The following GRM1 variants were observed in gnomAD, a reference collection of about 807,000 sequenced individuals.
GRM1 encodes the protein glutamate metabotropic receptor 1, also known as metabotropic glutamate receptor 1.
In GRM1, 33 loss-of-function variants were observed where a neutral mutation model predicts 90.9. That is an observed-to-expected ratio of 0.36 (90% CI 0.28 to 0.49). The LOEUF is 0.49. Among genes scored for constraint, GRM1 ranks in the 20% least tolerant of loss-of-function variants. The pLI, the probability that GRM1 is intolerant of heterozygous loss-of-function variation, is 0.99. For missense variants in GRM1, 1,190 were observed against 1,534.3 expected (o/e 0.78, Z 3.75); for synonymous variants, 700 against 613.2 (o/e 1.14, Z -2.09).
At chr6:146,043,800 T>TATATATATAGATAG (rs1231669743) in intron 1 of GRM1, among the ~76,000 whole-genome samples, 5 of 142,444 alleles carry the variant, frequency 3.5e-5, no homozygotes, top group African/African-American at 5.4e-5. Flanking sequence ...TATATATATA[T>TATATATATAGATAG]ATATATATAT....
At chr6:146,283,023 C>G (rs886648541) in intron 2 of GRM1, among the ~76,000 whole-genome samples, 1 of 152,158 alleles carries the variant, frequency 6.6e-6, no homozygotes, top group African/African-American at 2.4e-5. Flanking sequence ...TACAGTTGGT[C>G]TTGTCTCTTG....
In GRM1 at chr6:146,199,799, C is replaced by T. The variant is rs376509756; in HGVS notation, c.950+40202C>T. On this transcript the variant is annotated intron_variant, in intron 2 of 7. Coordinates refer to ENST00000282753, the MANE Select transcript of GRM1 (RefSeq NM_001278064.2). ...TTGGGAGGCCAAGGAAGGCAAATCACCTGAGGTCAGGAGTTTGAGACCATC... is the reference window on the plus strand; with the variant it reads ...TTGGGAGGCCAAGGAAGGCAAATCATCTGAGGTCAGGAGTTTGAGACCATC... Among the ~76,000 whole-genome samples, 138 of 152,250 alleles carry T rather than the reference C, an allele frequency of 9.1e-4. 3 individuals are homozygous for T. In the South Asian group the frequency reaches 0.028, roughly 30 times the overall value.
intron 1 of GRM1, among the ~76,000 whole-genome samples, chr6:146,092,614 A>G (rs1027025796): frequency 1.3e-5 from 2 of 152,002 alleles, no homozygotes; most frequent in Non-Finnish European, 2.9e-5. Context: ...GCTTGGATCA[A>G]GGACACTAGC....
intron 2 of GRM1, among the ~76,000 whole-genome samples, chr6:146,271,897 A>T (rs547713851): frequency 6.6e-6 from 1 of 152,330 alleles, no homozygotes; most frequent in South Asian, 2.1e-4. Context: ...AACGTCTGGT[A>T]GTCTTATGTT....
chr6:146,075,454 T>C (rs1256702877), intron 1 of GRM1, among the ~76,000 whole-genome samples: 2 of 152,176 alleles, frequency 1.3e-5, no homozygotes, highest in African/African-American at 4.8e-5. Flanking sequence ...TTTTGTATGC[T>C]AAATGCTGTG....
chr6:146,218,422 A>G (rs548528217), intron 2 of GRM1, among the ~76,000 whole-genome samples: 1 of 152,340 alleles, frequency 6.6e-6, no homozygotes, highest in African/African-American at 2.4e-5. Flanking sequence ...AACTTTTAAA[A>G]TATTTGGGAT....
At position 146,232,311 on chromosome 6, in the gene GRM1, T is replaced by G. The variant is rs1442530049; in HGVS notation, c.951-72300T>G. Among the ~76,000 whole-genome samples, 4 of 152,088 alleles carry G rather than the reference T, an allele frequency of 2.6e-5. No individual in the cohort carries two copies. The East Asian group carries it at 7.7e-4, about 29-fold the overall frequency. ...TCTTGGCTTGTAGATCTATCTTCTT[T>G]GTCTATCCACACATCATCATCCCTT... On this transcript the variant is annotated intron_variant, in intron 2 of 7. Transcript: ENST00000282753.
At chr6:146,099,137 G>C (rs1419742677) in intron 1 of GRM1, among the ~76,000 whole-genome samples, 1 of 152,122 alleles carries the variant, frequency 6.6e-6, no homozygotes, top group African/African-American at 2.4e-5. Context: ...TGTAATCCCA[G>C]CACTTTGGGA....
At chr6:146,206,353 GGAA>G (rs569646594) in intron 2 of GRM1, among the ~76,000 whole-genome samples, 7 of 152,150 alleles carry the variant, frequency 4.6e-5, no homozygotes, top group Non-Finnish European at 8.8e-5. Flanking sequence ...TCCCATGAGA[GGAA>G]GAAGGAGTTG....
intron 3 of GRM1, among the ~76,000 whole-genome samples, chr6:146,335,142 C>A (rs1490890449): frequency 5.3e-5 from 8 of 152,162 alleles, no homozygotes; most frequent in Non-Finnish European, 1.2e-4. Flanking sequence ...TGACATCTTA[C>A]AAATGAAATC....
intron 2 of GRM1, among the ~76,000 whole-genome samples, chr6:146,282,022 A>G (rs1175698298): frequency 6.6e-6 from 1 of 152,214 alleles, no homozygotes; most frequent in Non-Finnish European, 1.5e-5. Context: ...TGAGCAGTGC[A>G]CAGGCTGCTT....
intron 7 of GRM1, among the ~76,000 whole-genome samples, chr6:146,430,242 A>C (rs758792028): frequency 7.2e-5 from 11 of 152,210 alleles, no homozygotes; most frequent in Non-Finnish European, 1.2e-4. Context: ...ATGAAAGAAA[A>C]ACCAAAGCAA....
chr6:146,434,126 G>T lies in GRM1; in HGVS notation c.2915G>T (p.Gly972Val). 1 of 1,614,116 alleles carries T rather than the reference G, an allele frequency of 6.2e-7. No homozygotes were observed. Among genetic ancestry groups the T allele is most frequent in the Non-Finnish European group, 8.5e-7 (1 of 1,180,012 alleles). ...DAQPIRFSPP[G>V]SPSMVVHRRV... ...CAGCCGATTCGCTTTAGCCCGCCTG[G>T]TAGCCCTTCCATGGTGGTGCACAGG... Residue 972 changes from glycine to valine, a missense_variant, in exon 8 of 8, where the codon GGT becomes GTT. Physicochemically the swap from Gly to Val is moderately radical, Grantham distance 109. Around this residue, in one of 10 missense-constraint regions of GRM1, gnomAD observed 400 missense variants for 360.8 expected, o/e 1.11. Transcript: ENST00000282753.
chr6:146,126,134 A>T (rs1455378766), intron 1 of GRM1, among the ~76,000 whole-genome samples: 2 of 152,138 alleles, frequency 1.3e-5, no homozygotes, highest in African/African-American at 4.8e-5. Flanking sequence ...TCAAACGTTG[A>T]CCAAAATTGT....
intron 1 of GRM1, among the ~76,000 whole-genome samples, chr6:146,107,780 A>G (rs893323369): frequency 2.6e-5 from 4 of 152,088 alleles, no homozygotes; most frequent in Non-Finnish European, 4.4e-5. Flanking sequence ...ATTTTCCTAA[A>G]AAGACTTGGG....
intron 1 of GRM1, among the ~76,000 whole-genome samples, chr6:146,151,331 T>G (rs1777327719): frequency 6.6e-6 from 1 of 152,236 alleles, no homozygotes; most frequent in South Asian, 2.1e-4. Flanking sequence ...TGTGTAAATA[T>G]GCAGGAATGA....
chr6:146,114,236 T>G (rs1775661758), intron 1 of GRM1, among the ~76,000 whole-genome samples: 3 of 152,224 alleles, frequency 2.0e-5, no homozygotes. Flanking sequence ...AATGGTTGTT[T>G]AGAATCTATT....
chr6:146,396,678 TTGTGTA>T (rs1316929551), intron 6 of GRM1, among the ~76,000 whole-genome samples: 13 of 152,112 alleles, frequency 8.5e-5, no homozygotes, highest in African/African-American at 3.1e-4. Flanking sequence ...AAATAAGACT[TTGTGTA>T]TGTATGTAAA....
intron 2 of GRM1, among the ~76,000 whole-genome samples, chr6:146,289,960 A>G (rs1782915500): frequency 6.6e-6 from 1 of 152,200 alleles, no homozygotes; most frequent in South Asian, 2.1e-4. Context: ...CAAGTGAAAA[A>G]TGATTGTACC....
Sources: gnomAD v4.1 joint callset for allele counts (sites outside exome capture counted in the v4.1 genomes callset) on GRCh38, gnomAD v4.1.1 for gene constraint, gnomAD v4.1.1 regional missense constraint, MANE v1.5 for transcripts, NCBI Gene and HGNC (gene_info 2026-07-23, HGNC 2026-07-21) for gene names.